NXPE2: variants seen among roughly 807,000 people sequenced by gnomAD.
NXPE2 encodes neurexophilin and PC-esterase domain family member 2.
Under a neutral mutation model 34.4 loss-of-function variants are expected in NXPE2, and 34 were observed. That is an observed-to-expected ratio of 0.99 (90% CI 0.75 to 1.31). The LOEUF (loss-of-function observed/expected upper bound fraction) is 1.31. NXPE2 is among the 40% of genes most tolerant of loss of function. NXPE2 has a pLI of 0.00. For missense variants in NXPE2, 649 were observed against 672.5 expected (o/e 0.97, Z 0.39); for synonymous variants, 235 against 231.3 (o/e 1.02, Z -0.15).
chr11:114,476,985 T>C, the NXPE2 span, among the ~76,000 whole-genome samples: 497 of 152,340 alleles, frequency 3.3e-3, 2 homozygotes, highest in Admixed American at 5.3e-3. Context: ...ATCATTCCAC[T>C]TCTAGGACAA....
At chr11:114,638,182 T>G in the NXPE2 span, among the ~76,000 whole-genome samples, 1 of 151,994 alleles carries the variant, frequency 6.6e-6, no homozygotes, top group Non-Finnish European at 1.5e-5. Flanking sequence ...CTTTTTTCTC[T>G]AAACTTCCCT....
At chr11:114,490,325 A>C in the NXPE2 span, among the ~76,000 whole-genome samples, 3 of 152,220 alleles carry the variant, frequency 2.0e-5, no homozygotes, top group African/African-American at 4.8e-5. Context: ...CAAGCTACCA[A>C]TGACTTTCTT....
the NXPE2 span, among the ~76,000 whole-genome samples, chr11:114,616,714 T>C: frequency 6.6e-6 from 1 of 151,734 alleles, no homozygotes; most frequent in Non-Finnish European, 1.5e-5. Context: ...TGTTACCCAG[T>C]GTATAATAAG....
At chr11:114,519,968 T>TCGCCTCCCGGGTTCACGCTACTCTCC in the NXPE2 span, among the ~76,000 whole-genome samples, 1 of 117,234 alleles carries the variant, frequency 8.5e-6, no homozygotes. Context: ...CTCGGCGAGC[T>TCGCCTCCCGGGTTCACGCTACTCTCC]TGCCCGCTAA....
the NXPE2 span, among the ~76,000 whole-genome samples, chr11:114,796,409 C>A: frequency 2.0e-5 from 3 of 151,964 alleles, no homozygotes; most frequent in Non-Finnish European, 4.4e-5. Flanking sequence ...ATAGCTAAAA[C>A]CTTGGAGCTT....
the NXPE2 span, among the ~76,000 whole-genome samples, chr11:114,749,208 CA>C: frequency 6.6e-6 from 1 of 152,148 alleles, no homozygotes; most frequent in Non-Finnish European, 1.5e-5. Context: ...TAGGCTCTAT[CA>C]GGGGAGAGTT....
chr11:114,620,234 G>A, the NXPE2 span, among the ~76,000 whole-genome samples: 490 of 151,760 alleles, frequency 3.2e-3, no homozygotes, highest in Non-Finnish European at 5.4e-3. Flanking sequence ...ACTGTTATCC[G>A]TTGGATAATA....
At chr11:114,539,758 G>A in the NXPE2 span, among the ~76,000 whole-genome samples, 1 of 152,016 alleles carries the variant, frequency 6.6e-6, no homozygotes, top group African/African-American at 2.4e-5. Context: ...ATTGTAAAGT[G>A]CAATATCAGT....
chr11:114,556,334 T>C, the NXPE2 span, among the ~76,000 whole-genome samples: 1 of 152,232 alleles, frequency 6.6e-6, no homozygotes, highest in Admixed American at 6.5e-5. Flanking sequence ...ATTAAATCTC[T>C]ACTTATTCAG....
At chr11:114,714,384 A>G in the NXPE2 span, among the ~76,000 whole-genome samples, 7 of 152,320 alleles carry the variant, frequency 4.6e-5, no homozygotes, top group Admixed American at 1.3e-4. Context: ...TTGCCTGACA[A>G]TTATATAAAA....
At chr11:114,554,161 C>T in the NXPE2 span, 1 of 985,424 alleles carries the variant, frequency 1.0e-6, no homozygotes, top group Non-Finnish European at 1.2e-6. Context: ...ATGTACAGAG[C>T]CCGCTAGTTG....
the NXPE2 span, among the ~76,000 whole-genome samples, chr11:114,769,034 G>A: frequency 6.6e-6 from 1 of 151,946 alleles, no homozygotes. Context: ...CCTACAGAAC[G>A]GGAGAAAATT....
intron 2 of NXPE2, among the ~76,000 whole-genome samples, chr11:114,694,808 C>T (rs76228112): frequency 0.017 from 2,525 of 151,368 alleles, 79 homozygotes; most frequent in African/African-American, 0.055. Context: ...GTTGCCAAGT[C>T]TCTACATACA....
chr11:114,744,831 C>T, the NXPE2 span, among the ~76,000 whole-genome samples: 1 of 151,872 alleles, frequency 6.6e-6, no homozygotes, highest in South Asian at 2.1e-4. Context: ...ACAAATCTCA[C>T]AATATTATAA....
At chr11:114,530,828 CAG>C in the NXPE2 span, 1 of 1,614,104 alleles carries the variant, frequency 6.2e-7, no homozygotes, top group Non-Finnish European at 8.5e-7. Context: ...TTAATGGTAT[CAG>C]TGATGTTTTA....
At chr11:114,777,115 C>T in the NXPE2 span, among the ~76,000 whole-genome samples, 1 of 152,296 alleles carries the variant, frequency 6.6e-6, no homozygotes, top group East Asian at 1.9e-4. Context: ...GAAGGACTTG[C>T]TTCTTATCGC....
the NXPE2 span, among the ~76,000 whole-genome samples, chr11:114,665,268 A>C: frequency 7.9e-5 from 12 of 152,148 alleles, no homozygotes; most frequent in Non-Finnish European, 1.6e-4. Context: ...ACCAGCTTTA[A>C]GTCATTTGAA....
At chr11:114,797,784 A>G in the NXPE2 span, among the ~76,000 whole-genome samples, 7 of 152,178 alleles carry the variant, frequency 4.6e-5, no homozygotes, top group African/African-American at 1.4e-4. Flanking sequence ...TTTGGGACGA[A>G]TAATGCTTAT....
At chr11:114,530,900 A>C in the NXPE2 span, 4 of 1,603,436 alleles carry the variant, frequency 2.5e-6, no homozygotes, top group Middle Eastern at 1.7e-4. Context: ...AGTTTAGAGC[A>C]GACCAAAGCT....
Sources: gnomAD v4.1 joint callset for allele counts (sites outside exome capture counted in the v4.1 genomes callset) on GRCh38, gnomAD v4.1.1 for gene constraint, MANE v1.5 for transcripts, NCBI Gene and HGNC (gene_info 2026-07-23, HGNC 2026-07-21) for gene names.